NOS1: variants seen among roughly 807,000 people sequenced by gnomAD.
The protein encoded by NOS1 is nitric oxide synthase 1, also known as NOS type I.
NOS1 carries 51 observed loss-of-function variants against 164.5 expected under a neutral mutation model. The ratio of observed to expected loss-of-function variants is 0.31; its 90% confidence interval spans 0.25 to 0.39. The LOEUF is 0.39. Ranked by LOEUF, NOS1 falls within the 10% of genes least tolerant of loss-of-function variation. The probability of loss-of-function intolerance (pLI) is 1.00; values close to 1 mark genes in which losing one functional copy is unlikely to be tolerated. For synonymous variants in NOS1, 719 were observed against 745.8 expected, an observed-to-expected ratio of 0.96 and a Z score of 0.59; for missense variants, 1,362 against 1,885.6, an observed-to-expected ratio of 0.72 and a Z score of 5.14.
rs772712777 is a variant in NOS1, at chr12:117,243,752, C to T, written c.2824-317G>A. ...TCTATCTTTCCATCCATCCATCCAT[C>T]CACCCATCCATCCACCCACCCACCC... On this transcript the variant is annotated intron_variant, in intron 18 of 28. Coordinates refer to ENST00000317775, the MANE Select transcript of NOS1 (RefSeq NM_000620.5). The surrounding 1 kb of genome is among the most constrained non-coding windows in gnomAD (Gnocchi z 4.3). Among the ~76,000 whole-genome samples, 25 of 151,914 alleles carry T rather than the reference C, an allele frequency of 1.6e-4. No individual in the cohort carries two copies. The highest frequency in any genetic ancestry group is 2.8e-4 in the Non-Finnish European group (19 of 67,970).
intron 10 of NOS1, among the ~76,000 whole-genome samples, chr12:117,271,334 G>A (rs1238392023): frequency 6.6e-6 from 1 of 151,492 alleles, no homozygotes; most frequent in African/African-American, 2.4e-5. Context: ...CTGGAGTACA[G>A]TGGCGCAATC....
At chr12:117,322,813 TCCTCCTTC>T (rs753928954) in intron 2 of NOS1, among the ~76,000 whole-genome samples, 44 of 107,458 alleles carry the variant, frequency 4.1e-4, no homozygotes, top group Admixed American at 1.2e-3. Flanking sequence ...TTCCCTCCCT[TCCTCCTTC>T]CCTCCTTCCC....
intron 12 of NOS1, among the ~76,000 whole-genome samples, chr12:117,264,957 C>T (rs1031786592): frequency 2.0e-5 from 3 of 151,866 alleles, no homozygotes; most frequent in Admixed American, 6.6e-5. Context: ...CCTGCCTTGG[C>T]CTCCCAAAGT....
At chr12:117,351,852 C>A (rs904686802) in intron 1 of NOS1, among the ~76,000 whole-genome samples, 2 of 152,178 alleles carry the variant, frequency 1.3e-5, no homozygotes, top group Non-Finnish European at 2.9e-5. Flanking sequence ...GCTTCAGAAT[C>A]CTGCCTCTTC....
intron 2 of NOS1, among the ~76,000 whole-genome samples, chr12:117,321,510 A>T (rs76830467): frequency 0.034 from 5,207 of 152,192 alleles, 105 homozygotes; most frequent in East Asian, 0.08. Flanking sequence ...TCCTCAGAAT[A>T]AAGGGCTGGG....
At chr12:117,283,225 T>C (rs1334454547) in intron 7 of NOS1, among the ~76,000 whole-genome samples, 1 of 151,942 alleles carries the variant, frequency 6.6e-6, no homozygotes, top group African/African-American at 2.4e-5. Flanking sequence ...CACGTCCTAC[T>C]AATTTTTTGC....
At chr12:117,332,533 C>T (rs1875596246) in intron 1 of NOS1, among the ~76,000 whole-genome samples, 1 of 152,014 alleles carries the variant, frequency 6.6e-6, no homozygotes, top group East Asian at 1.9e-4. Flanking sequence ...TTGAGACCAG[C>T]CTGGGCAACA....
In NOS1 at chr12:117,272,940, C is replaced by G. The variant is rs974631044; in HGVS notation, c.1665-381G>C. On this transcript the variant is annotated intron_variant, in intron 9 of 28. Coordinates refer to ENST00000317775, the MANE Select transcript of NOS1 (RefSeq NM_000620.5). The surrounding 1 kb of genome is among the most constrained non-coding windows in gnomAD (Gnocchi z 4.3). The stretch of plus-strand genomic sequence containing the variant: ...GGCAGCCAAACTTCAGAGCCAAACT[C>G]TGTCACCCAAACTTCTTCTTTCTTT... Among the ~76,000 whole-genome samples, 2 of 152,202 alleles carry G rather than the reference C, an allele frequency of 1.3e-5. No individual in the cohort carries two copies. Among genetic ancestry groups the G allele is most frequent in the African/African-American group, 4.8e-5 (2 of 41,460 alleles).
intron 20 of NOS1, among the ~76,000 whole-genome samples, chr12:117,242,380 A>AGG (rs1870251526): frequency 6.6e-6 from 1 of 152,224 alleles, no homozygotes; most frequent in African/African-American, 2.4e-5. Flanking sequence ...GTTAAAAATC[A>AGG]CTCAGAAAAC....
In NOS1 at chr12:117,304,007, C is replaced by T. The variant is rs545056117; in HGVS notation, c.852+7459G>A. On this transcript the variant is annotated intron_variant, in intron 3 of 28. Transcript: ENST00000317775. ...CTAACTCAGTGAAACCCCGTCTCTG[C>T]CAAAAATACAAAAAATTAGCCGGGC... is the stretch of plus-strand genomic sequence containing the variant. Among the ~76,000 whole-genome samples the T allele has an allele frequency of 8.5e-5, 13 of 152,208 alleles. 1 individual carries two copies. The South Asian group carries it at 2.5e-3, about 29-fold the overall frequency.
Position 117,220,255 on chromosome 12 carries a change from G to A in NOS1, c.3990C>T (p.Asp1330=). 6.2e-7 allele frequency: 1 copy of A among 1,608,828 alleles called. No homozygotes were observed. Among genetic ancestry groups the A allele is most frequent in the East Asian group, 2.2e-5 (1 of 44,866 alleles). The change falls in exon 27 of 29, where the codon GAC becomes GAT. Residue 1330 remains aspartate, a synonymous_variant. Transcript: ENST00000317775. Reference sequence around the variant, plus strand: ...ACTCCGCCAGCTGCTCCTGCAGGATGTCCTGCACGTACTTCTGCAAGGAGC... The same window carrying A: ...ACTCCGCCAGCTGCTCCTGCAGGATATCCTGCACGTACTTCTGCAAGGAGC... ...EPDKPKKYVQ[D]ILQEQLAESV...
chr12:117,227,896 G>A (rs1868845179), intron 22 of NOS1, among the ~76,000 whole-genome samples: 1 of 152,052 alleles, frequency 6.6e-6, no homozygotes, highest in Non-Finnish European at 1.5e-5. Context: ...GGATGTGGTG[G>A]TGGATGTCTG....
intron 1 of NOS1, among the ~76,000 whole-genome samples, chr12:117,341,758 C>T (rs1207370357): frequency 1.3e-5 from 2 of 152,196 alleles, no homozygotes; most frequent in East Asian, 1.9e-4. Flanking sequence ...CCCACCTCTG[C>T]TGCCTATTAG....
rs1455128139 is a variant in NOS1 at position 117,208,421 on chromosome 12, T to TGTGTGTGTGTGTGTGTGC, written c.*6887_*6888insGCACACACACACACACAC. ...GTGTGTGTGTGTGTGTGTGTGTGTG[T>TGTGTGTGTGTGTGTGTGC]GGTGAGATGCGACCAGGTCTGCCCA... On this transcript the variant is annotated 3_prime_UTR_variant, in exon 29 of 29. Transcript: ENST00000317775. 7.8e-7 allele frequency: 1 copy of TGTGTGTGTGTGTGTGTGC among 1,280,252 alleles called. No individual in the cohort carries two copies. Among genetic ancestry groups the TGTGTGTGTGTGTGTGTGC allele is most frequent in the African/African-American group, 1.5e-5 (1 of 65,422 alleles). The allele number at this position is 1,280,252 out of a possible 1,614,324, so 79.3% of individuals were successfully genotyped here.
chr12:117,209,833 TA>T lies in NOS1; in HGVS notation c.*5475del. On this transcript the variant is annotated 3_prime_UTR_variant, in exon 29 of 29. Transcript: ENST00000317775. ...TGGGCCAAGGATAGGGAGTGTGAGA[TA>T]AAGGGCAGAGGCCAGGCCAGGTTGG... 1 of 985,438 alleles carries T rather than the reference TA, an allele frequency of 1.0e-6. No homozygotes were observed. Among genetic ancestry groups the T allele is most frequent in the Non-Finnish European group, 1.2e-6 (1 of 829,952 alleles). The allele number at this position is 985,438 out of a possible 1,614,324, so 61.0% of individuals were successfully genotyped here.
Position 117,256,009 on chromosome 12 carries a change from G to A in NOS1, c.2532-2255C>T, listed in dbSNP as rs762431074. On this transcript the variant is annotated intron_variant, in intron 16 of 28. Coordinates refer to ENST00000317775, the MANE Select transcript of NOS1 (RefSeq NM_000620.5). ...CCATTGGGGAGGGGAGGCCCTTTAC[G>A]GGGAAAGAAACGCAAGGGTTCCGGG... The A allele has an allele frequency of 5.1e-5, 75 of 1,466,748 alleles. No individual in the cohort carries two copies. The highest frequency in any genetic ancestry group is 6.0e-5 in the Non-Finnish European group (67 of 1,112,278). 90.9% of individuals were successfully genotyped at this position (1,466,748 alleles called of 1,614,324 possible).
At position 117,309,422 on chromosome 12, in the gene NOS1, T is replaced by C. The variant is rs936426700; in HGVS notation, c.852+2044A>G. ...TCTCATCCTCCCCGCTGAAGCTGTG[T>C]AGAGAACTTTGAGGCCTTGTTTAGG... On this transcript the variant is annotated intron_variant, in intron 3 of 28. Coordinates refer to ENST00000317775, the MANE Select transcript of NOS1 (RefSeq NM_000620.5). 4.1e-6 allele frequency: 4 copies of C among 982,668 alleles called. No individual in the cohort carries two copies. The African/African-American group carries it at 5.2e-5, about 13-fold the overall frequency. The allele number at this position is 982,668 out of a possible 1,614,324, so 60.9% of individuals were successfully genotyped here.
chr12:117,342,311 G>A (rs1274736178), intron 1 of NOS1, among the ~76,000 whole-genome samples: 1 of 152,106 alleles, frequency 6.6e-6, no homozygotes, highest in Non-Finnish European at 1.5e-5. Context: ...CTAGGGTGGA[G>A]GTAGTTGGAG....
intron 13 of NOS1, among the ~76,000 whole-genome samples, chr12:117,263,430 G>A (rs1049545581): frequency 1.3e-5 from 2 of 151,906 alleles, no homozygotes; most frequent in Non-Finnish European, 2.9e-5. Flanking sequence ...CCAGGTGTTC[G>A]AGACTAGCCT....
Sources: allele counts gnomAD v4.1 joint callset (sites outside exome capture counted in the v4.1 genomes callset), GRCh38; gene constraint gnomAD v4.1.1; non-coding constraint Gnocchi (gnomAD v3.1); transcripts MANE v1.5; gene names NCBI Gene and HGNC (gene_info 2026-07-23, HGNC 2026-07-21).